Variants in ARHGAP22 observed in about 807,000 individuals in gnomAD.
ARHGAP22 encodes Rho GTPase activating protein 22, also known as rho GTPase-activating protein 22.
In ARHGAP22, 48 loss-of-function variants were observed where a neutral mutation model predicts 59.1. The ratio of observed to expected loss-of-function variants is 0.81; its 90% CI spans 0.64 to 1.03. ARHGAP22 has a LOEUF of 1.03. Among genes scored for constraint, ARHGAP22 ranks in the 50% least tolerant of loss-of-function variants. The pLI is 0.00. For missense variants in ARHGAP22, 1,015 were observed against 958.7 expected (o/e 1.06, Z -0.78); for synonymous variants, 445 against 416.4 (o/e 1.07, Z -0.84).
At chr10:48,446,738 A>G (rs1589381460) in intron 9 of ARHGAP22, 119 bp from the exon 10 acceptor site, 1 of 1,003,226 alleles carries the variant, frequency 1.0e-6, no homozygotes, top group Non-Finnish European at 1.4e-6. Context: ...TGGCGGCAGG[A>G]GGAAACCCTG....
intron 3 of ARHGAP22, chr10:48,524,089 A>G: frequency 1.4e-6 from 2 of 1,458,100 alleles, no homozygotes; most frequent in Non-Finnish European, 1.8e-6. Flanking sequence ...CAGTCCTTGC[A>G]GCAGCACAGC....
intron 1 of ARHGAP22, among the ~76,000 whole-genome samples, chr10:48,628,033 C>T (rs1035722081): frequency 3.7e-4 from 56 of 152,224 alleles, no homozygotes; most frequent in African/African-American, 1.2e-3. Context: ...GAAAGGAGGG[C>T]AATGGCCACA....
intron 3 of ARHGAP22, among the ~76,000 whole-genome samples, chr10:48,524,688 C>T (rs913964303): frequency 3.9e-5 from 6 of 152,124 alleles, no homozygotes; most frequent in African/African-American, 1.4e-4. Context: ...CCCAGCTCAC[C>T]TGTACTGTGC....
intron 1 of ARHGAP22, among the ~76,000 whole-genome samples, chr10:48,596,109 T>C (rs2060052290): frequency 6.6e-6 from 1 of 152,262 alleles, no homozygotes; most frequent in Non-Finnish European, 1.5e-5. Flanking sequence ...TAATCAATGC[T>C]TCCTGGGTCT....
chr10:48,439,584 A>T, the ARHGAP22 span, among the ~76,000 whole-genome samples: 1 of 152,098 alleles, frequency 6.6e-6, no homozygotes, highest in Non-Finnish European at 1.5e-5. Flanking sequence ...TTATCTAAAA[A>T]AGGAACTTTG....
intron 3 of ARHGAP22, among the ~76,000 whole-genome samples, chr10:48,498,020 CT>C (rs1247119125): frequency 6.6e-6 from 1 of 152,142 alleles, no homozygotes; most frequent in Non-Finnish European, 1.5e-5. Context: ...CTGTCTATCC[CT>C]TAGAGTTGCT....
chr10:48,509,877 A>T (rs903446449), intron 3 of ARHGAP22, among the ~76,000 whole-genome samples: 2 of 152,218 alleles, frequency 1.3e-5, no homozygotes, highest in Non-Finnish European at 2.9e-5. Flanking sequence ...AAATCACTTT[A>T]TTAGGAGAAA....
chr10:48,450,531 C>T lies in ARHGAP22; in HGVS notation c.1598G>A (p.Arg533His), dbSNP rs1309338429. 1.4e-5 allele frequency: 21 copies of T among 1,518,654 alleles called. No individual in the cohort carries two copies. Among genetic ancestry groups the T allele is most frequent in the Non-Finnish European group, 1.9e-5 (21 of 1,133,426 alleles). 94.1% of individuals were successfully genotyped at this position (1,518,654 alleles called of 1,614,324 possible). Residue 533 changes from arginine (R) to histidine (H), a missense_variant, in exon 9 of 10, where the codon CGC becomes CAC. Arg to His is a conservative substitution (Grantham distance 29). Coordinates refer to ENST00000249601, the MANE Select transcript of ARHGAP22 (RefSeq NM_021226.4). ...GGSLSSCTAC[R>H]ASDSSARSSL... ...ACTGCGGGCAGACGAGTCGCTGGCGCGGCAGGCCGTGCAGCTGCTGAGTGA... is the reference window on the plus strand; with the variant it reads ...ACTGCGGGCAGACGAGTCGCTGGCGTGGCAGGCCGTGCAGCTGCTGAGTGA...
intron 3 of ARHGAP22, among the ~76,000 whole-genome samples, chr10:48,529,530 A>G (rs1047019917): frequency 6.6e-5 from 10 of 152,206 alleles, no homozygotes; most frequent in Admixed American, 1.3e-4. Flanking sequence ...GTGCTGCAAG[A>G]ACCCCAACCT....
chr10:48,536,493 C>A (rs931729525), intron 3 of ARHGAP22, among the ~76,000 whole-genome samples: 1 of 152,224 alleles, frequency 6.6e-6, no homozygotes, highest in Non-Finnish European at 1.5e-5. Context: ...ACTGTCCCCC[C>A]ACCTGCTAGT....
chr10:48,492,045 G>T (rs79242427), intron 3 of ARHGAP22, among the ~76,000 whole-genome samples: 1,743 of 152,270 alleles, frequency 0.011, 39 homozygotes, highest in African/African-American at 0.04. Flanking sequence ...AGAGGGGGAG[G>T]CTCGAAAATG....
At chr10:48,478,523 T>C (rs1376560912) in intron 4 of ARHGAP22, among the ~76,000 whole-genome samples, 2 of 152,174 alleles carry the variant, frequency 1.3e-5, no homozygotes, top group African/African-American at 4.8e-5. Flanking sequence ...CTGCCCAGAC[T>C]GTGTGCTGAT....
chr10:48,627,740 G>T (rs1396704562), intron 1 of ARHGAP22, among the ~76,000 whole-genome samples: 1 of 152,338 alleles, frequency 6.6e-6, no homozygotes, highest in Admixed American at 6.5e-5. Flanking sequence ...GATCCCAACT[G>T]ATAATGTGAG....
intron 1 of ARHGAP22, among the ~76,000 whole-genome samples, chr10:48,598,031 A>G (rs2060169931): frequency 6.6e-6 from 1 of 152,232 alleles, no homozygotes; most frequent in African/African-American, 2.4e-5. Context: ...CAATAAGGTC[A>G]TGGCCAGTTC....
At chr10:48,459,535 G>A in intron 5 of ARHGAP22, 149 bp downstream of exon 5, 1 of 880,888 alleles carries the variant, frequency 1.1e-6, no homozygotes, top group South Asian at 1.5e-5. Context: ...GGCGGAGTGA[G>A]GGTGTGCCCT....
At chr10:48,469,839 C>T (rs1274298780) in intron 4 of ARHGAP22, among the ~76,000 whole-genome samples, 1 of 152,200 alleles carries the variant, frequency 6.6e-6, no homozygotes, top group Non-Finnish European at 1.5e-5. Context: ...GATCCCAACC[C>T]TAGGACACCC....
At chr10:48,486,541 C>T (rs1289217136) in intron 3 of ARHGAP22, among the ~76,000 whole-genome samples, 5 of 151,998 alleles carry the variant, frequency 3.3e-5, no homozygotes, top group East Asian at 1.9e-4. Flanking sequence ...GGTTTCACCA[C>T]GTTGGCCAGG....
chr10:48,603,309 A>G (rs2060492811), intron 1 of ARHGAP22, among the ~76,000 whole-genome samples: 1 of 152,252 alleles, frequency 6.6e-6, no homozygotes, highest in African/African-American at 2.4e-5. Flanking sequence ...ATAGAAATAT[A>G]AAAAATATAA....
chr10:48,514,137 A>G (rs1174263752), intron 3 of ARHGAP22, among the ~76,000 whole-genome samples: 1 of 152,146 alleles, frequency 6.6e-6, no homozygotes, highest in Non-Finnish European at 1.5e-5. Flanking sequence ...AATAATGAAG[A>G]AAAATGAACA....
Sources: gnomAD v4.1 joint callset for allele counts (sites outside exome capture counted in the v4.1 genomes callset) on GRCh38, gnomAD v4.1.1 for gene constraint, MANE v1.5 for transcripts, NCBI Gene and HGNC (gene_info 2026-07-23, HGNC 2026-07-21) for gene names.